The following EML6 variants were observed in gnomAD, a reference collection of about 807,000 sequenced individuals.
EML6 encodes the protein EMAP like 6.
A neutral mutation model predicts 240.1 loss-of-function variants in EML6; 154 were observed. The ratio of observed to expected loss-of-function variants is 0.64; its 90% CI spans 0.56 to 0.73. The LOEUF is 0.73. EML6 is among the 30% of genes least tolerant of loss of function. The pLI is 0.00. For missense variants in EML6, 2,964 were observed against 2,474.6 expected, an observed-to-expected ratio of 1.20 and a Z score of -4.20; for synonymous variants, 1,148 against 899.0, an observed-to-expected ratio of 1.28 and a Z score of -4.95.
chr2:54,833,094 G>A (rs889902133), intron 7 of EML6, among the ~76,000 whole-genome samples: 4 of 152,162 alleles, frequency 2.6e-5, no homozygotes, highest in Admixed American at 2.0e-4. Flanking sequence ...TCATGGCCAC[G>A]GCCCAGTTCC....
In EML6 at chr2:54,899,796, C is replaced by G; in HGVS notation, c.3124+14C>G. On this transcript the variant is annotated intron_variant, in intron 22 of 41. Coordinates refer to ENST00000356458, the MANE Select transcript of EML6 (RefSeq NM_001039753.4). ...AACTCAAAAAAGGTACATAACACCACCTTACACATCTGTCAGAGTATTTAC... is the reference window on the plus strand; with the variant it reads ...AACTCAAAAAAGGTACATAACACCAGCTTACACATCTGTCAGAGTATTTAC... 5.8e-6 allele frequency: 9 copies of G among 1,543,980 alleles called. No homozygotes were observed. The highest frequency in any genetic ancestry group is 7.9e-6 in the Non-Finnish European group (9 of 1,142,210).
intron 8 of EML6, among the ~76,000 whole-genome samples, chr2:54,845,098 C>G (rs1313206905): frequency 6.6e-6 from 1 of 152,124 alleles, no homozygotes; most frequent in Non-Finnish European, 1.5e-5. Context: ...CTCACTAGTT[C>G]CCACCTCCCT....
intron 2 of EML6, among the ~76,000 whole-genome samples, chr2:54,750,120 A>G (rs943884485): frequency 6.6e-6 from 1 of 152,186 alleles, no homozygotes; most frequent in Admixed American, 6.5e-5. Context: ...CTCCAGGACT[A>G]TCCATCGTGC....
chr2:54,910,744 T>A lies in EML6; in HGVS notation c.3410-210T>A, dbSNP rs561884123. Among the ~76,000 whole-genome samples the A allele has an allele frequency of 7.9e-4, 121 of 152,354 alleles. 2 individuals are homozygous for A. Among genetic ancestry groups the A allele is most frequent in the African/African-American group, 2.9e-3 (119 of 41,596 alleles). The stretch of plus-strand genomic sequence containing the variant: ...GAAGGATGTTGAAGATCAAATATTA[T>A]GAAGTCCATATTCTAAAAATCACAG... On this transcript the variant is annotated intron_variant, in intron 24 of 41. Transcript: ENST00000356458.
chr2:54,850,424 G>C, intron 10 of EML6: 1 of 545,432 alleles, frequency 1.8e-6, no homozygotes, highest in Non-Finnish European at 3.3e-6. Context: ...GTATGAGTTG[G>C]AACATGTTAA....
chr2:54,932,600 A>G (rs1222880728), intron 28 of EML6, among the ~76,000 whole-genome samples: 1 of 152,192 alleles, frequency 6.6e-6, no homozygotes, highest in African/African-American at 2.4e-5. Context: ...AACTTAAGAT[A>G]TTTAATTGAT....
intron 2 of EML6, among the ~76,000 whole-genome samples, chr2:54,803,975 T>C (rs1670326664): frequency 6.6e-6 from 1 of 152,240 alleles, no homozygotes; most frequent in Admixed American, 6.5e-5. Flanking sequence ...GATAGGCCAT[T>C]TAATGCAGCC....
intron 26 of EML6, among the ~76,000 whole-genome samples, chr2:54,923,253 C>T (rs1371220232): frequency 1.3e-5 from 2 of 151,934 alleles, no homozygotes; most frequent in Non-Finnish European, 2.9e-5. Context: ...AGAGTATAAA[C>T]TTTTAAGATA....
At chr2:54,945,002 A>G (rs1184506443) in intron 28 of EML6, among the ~76,000 whole-genome samples, 1 of 21,722 alleles carries the variant, frequency 4.6e-5, no homozygotes, top group Non-Finnish European at 9.8e-5. Context: ...CCCCTCCCCC[A>G]TCCATTCCTC....
At chr2:54,788,459 G>A (rs972166281) in intron 2 of EML6, among the ~76,000 whole-genome samples, 2 of 151,390 alleles carry the variant, frequency 1.3e-5, no homozygotes, top group Admixed American at 1.3e-4. Flanking sequence ...CCACGCTTAG[G>A]ATTAGGCGTC....
At position 54,724,944 on chromosome 2, in the gene EML6, C is replaced by A; in HGVS notation, c.-118C>A. On this transcript the variant is annotated 5_prime_UTR_variant, in exon 2 of 42. Coordinates refer to ENST00000356458, the MANE Select transcript of EML6 (RefSeq NM_001039753.4). This position sits in a 1 kb window ranked among gnomAD's most constrained non-coding sequence, Gnocchi z 5.2. Reference sequence around the variant, plus strand: ...CCGCTGGGCTGTGCCTGTGTGTCGCCGCGGAAATCAGCGCCCTGCGCCGCG... The same window carrying A: ...CCGCTGGGCTGTGCCTGTGTGTCGCAGCGGAAATCAGCGCCCTGCGCCGCG... 1 of 814,086 alleles carries A rather than the reference C, an allele frequency of 1.2e-6. No homozygotes were observed. The highest frequency in any genetic ancestry group is 1.6e-6 in the Non-Finnish European group (1 of 615,332). 50.4% of individuals were successfully genotyped at this position (814,086 alleles called of 1,614,324 possible). A position where few individuals can be genotyped will look rare whatever the true frequency, so the allele number is the denominator to read the frequency against.
At position 54,962,550 on chromosome 2, in the gene EML6, G is replaced by A. The variant is rs202192837; in HGVS notation, c.4996G>A (p.Gly1666Arg). Residue 1666 changes from glycine (G) to arginine (R), a missense_variant, in exon 36 of 42, where the codon GGA becomes AGA. Gly to Arg is a moderately radical substitution (Grantham distance 125). Transcript: ENST00000356458. ...KGKILVGTKDGEIIEVGEKNA... is the reference protein window; with the variant it reads ...KGKILVGTKDREIIEVGEKNA... ...AAAAATCTTAGTGGGAACCAAAGAC[G>A]GAGAAATAATTGAAGTTGGTGAAAA... The A allele has an allele frequency of 5.0e-4, 769 of 1,547,322 alleles. 2 individuals are homozygous for A. Among genetic ancestry groups the A allele is most frequent in the Non-Finnish European group, 3.5e-4 (401 of 1,145,264 alleles).
At chr2:54,828,188 T>G (rs1668690470) in intron 6 of EML6, among the ~76,000 whole-genome samples, 1 of 152,018 alleles carries the variant, frequency 6.6e-6, no homozygotes, top group Admixed American at 6.6e-5. Flanking sequence ...TTGTATTGGT[T>G]GGTAAGATAG....
At chr2:54,919,010 A>G (rs1316101576) in intron 26 of EML6, among the ~76,000 whole-genome samples, 1 of 152,256 alleles carries the variant, frequency 6.6e-6, no homozygotes, top group Non-Finnish European at 1.5e-5. Flanking sequence ...CCACTGGGAT[A>G]CAAGAACCGC....
At chr2:54,806,612 C>CAAAAAAAAAA (rs58185994) in intron 2 of EML6, among the ~76,000 whole-genome samples, 553 of 52,866 alleles carry the variant, frequency 0.01, 31 homozygotes, top group Middle Eastern at 0.037. Context: ...ACTCCGTCTC[C>CAAAAAAAAAA]AAAAAAAAAA....
chr2:54,899,057 C>T (rs886068084), intron 21 of EML6, among the ~76,000 whole-genome samples: 2 of 152,146 alleles, frequency 1.3e-5, no homozygotes, highest in Non-Finnish European at 2.9e-5. Flanking sequence ...TGTGAACAGA[C>T]GCAGAACCTG....
intron 29 of EML6, among the ~76,000 whole-genome samples, chr2:54,949,315 C>G (rs1051990100): frequency 6.6e-6 from 1 of 152,220 alleles, no homozygotes; most frequent in Non-Finnish European, 1.5e-5. Context: ...AGCACATATT[C>G]ACCGTCTCTA....
chr2:54,912,651 CAT>C (rs1014501817), intron 25 of EML6, among the ~76,000 whole-genome samples: 5 of 152,304 alleles, frequency 3.3e-5, no homozygotes, highest in Admixed American at 6.5e-5. Context: ...CTCGTGAGAA[CAT>C]GTGGTATTTG....
intron 35 of EML6, among the ~76,000 whole-genome samples, chr2:54,961,184 G>GTTTTTTTTTTTTTTT (rs575621987): frequency 2.0e-4 from 11 of 55,396 alleles, no homozygotes; most frequent in African/African-American, 3.2e-4. Context: ...TCAGGAAGTA[G>GTTTTTTTTTTTTTTT]TTTTTTTTTT....
Sources: gnomAD v4.1 joint callset for allele counts (sites outside exome capture counted in the v4.1 genomes callset) on GRCh38, gnomAD v4.1.1 for gene constraint, Gnocchi (gnomAD v3.1) non-coding constraint, MANE v1.5 for transcripts, NCBI Gene and HGNC (gene_info 2026-07-23, HGNC 2026-07-21) for gene names.